The following EIPR1 variants were observed in gnomAD, a reference collection of about 807,000 sequenced individuals.
The protein encoded by EIPR1 is EARP complex and GARP complex interacting protein 1.
EIPR1 carries 25 observed loss-of-function variants against 48.1 expected under a neutral mutation model. The observed-to-expected ratio is 0.52, with a 90% CI of 0.38 to 0.73. EIPR1 has a LOEUF of 0.73. EIPR1 is among the 30% of genes least tolerant of loss of function. EIPR1 has a pLI of 0.00. For missense variants in EIPR1, 415 were observed against 506.2 expected, an observed-to-expected ratio of 0.82 and a Z score of 1.73; for synonymous variants, 204 against 201.9, an observed-to-expected ratio of 1.01 and a Z score of -0.09.
intron 4 of EIPR1, among the ~76,000 whole-genome samples, chr2:3,242,571 C>CG (rs1420537657): frequency 6.6e-6 from 1 of 151,470 alleles, no homozygotes; most frequent in East Asian, 1.9e-4. Context: ...CACCACACAC[C>CG]AGGCAGCAGC....
intron 3 of EIPR1, among the ~76,000 whole-genome samples, chr2:3,289,221 T>C (rs1190937264): frequency 1.3e-5 from 2 of 152,204 alleles, no homozygotes; most frequent in African/African-American, 4.8e-5. Flanking sequence ...TCGCTCTTCC[T>C]GTCTCTTTCT....
rs748935145 is a variant in EIPR1 at position 3,312,417 on chromosome 2, C to G, written c.259+25600G>C. Reference sequence around the variant, plus strand: ...GTGCCTGCTGTGGGGATGAGACTCACGTCTGAGGGGCAAAGTTCATTTTTC... The same window carrying G: ...GTGCCTGCTGTGGGGATGAGACTCAGGTCTGAGGGGCAAAGTTCATTTTTC... On this transcript the variant is annotated intron_variant, in intron 3 of 8. Coordinates refer to ENST00000382125, the MANE Select transcript of EIPR1 (RefSeq NM_003310.5). The surrounding 1 kb of genome is among the most constrained non-coding windows in gnomAD (Gnocchi z 5.5). 1.3e-5 allele frequency among the ~76,000 whole-genome samples: 2 copies of G among 152,154 alleles called. No individual in the cohort carries two copies. The highest frequency in any genetic ancestry group is 2.1e-4 in the South Asian group (1 of 4,826).
intron 8 of EIPR1, among the ~76,000 whole-genome samples, chr2:3,190,134 G>A (rs1664554266): frequency 6.6e-6 from 1 of 152,086 alleles, no homozygotes; most frequent in South Asian, 2.1e-4. Flanking sequence ...TCCCTTGACT[G>A]TGAGTTACCC....
rs145653213 is a variant in EIPR1 at position 3,263,521 on chromosome 2, C to G, written c.260-6066G>C. Among the ~76,000 whole-genome samples, 17 of 152,356 alleles carry G rather than the reference C, an allele frequency of 1.1e-4. No individual in the cohort carries two copies. In the East Asian group the frequency reaches 3.1e-3, roughly 28 times the overall value. On this transcript the variant is annotated intron_variant, in intron 3 of 8. Transcript: ENST00000382125. ...TACAAATAGCACATAATCAGAGAAG[C>G]CACAGAACTGCACTATACAACAAGC...
intron 3 of EIPR1, among the ~76,000 whole-genome samples, chr2:3,259,147 C>T (rs1413662984): frequency 1.3e-5 from 2 of 152,090 alleles, no homozygotes; most frequent in Admixed American, 6.6e-5. Context: ...AAATACATGT[C>T]TAATCTTACA....
At chr2:3,363,030 C>T (rs556060562) in intron 1 of EIPR1, among the ~76,000 whole-genome samples, 49 of 152,278 alleles carry the variant, frequency 3.2e-4, no homozygotes, top group Admixed American at 1.8e-3. Context: ...GCATCCTGGG[C>T]GGCCTGCATC....
intron 3 of EIPR1, among the ~76,000 whole-genome samples, chr2:3,316,846 T>C (rs1269031233): frequency 6.6e-6 from 1 of 152,212 alleles, no homozygotes; most frequent in Non-Finnish European, 1.5e-5. Context: ...TGCCATAGTC[T>C]AGACACAGTC....
chr2:3,208,619 T>G (rs1415779274), intron 5 of EIPR1: 1 of 1,550,624 alleles, frequency 6.4e-7, no homozygotes, highest in East Asian at 2.4e-5. Flanking sequence ...GTTGAATGAA[T>G]TTGGCCATGG....
chr2:3,341,112 A>AC (rs1670231020), intron 2 of EIPR1, among the ~76,000 whole-genome samples: 1 of 148,732 alleles, frequency 6.7e-6, no homozygotes, highest in Non-Finnish European at 1.5e-5. Context: ...AAAAAAAAAA[A>AC]AAAAAAAACA....
chr2:3,300,501 C>T (rs951666863), intron 3 of EIPR1, among the ~76,000 whole-genome samples: 2 of 152,200 alleles, frequency 1.3e-5, no homozygotes, highest in East Asian at 3.8e-4. Flanking sequence ...CCAGCAGTCT[C>T]GCCTCAATGC....
intron 3 of EIPR1, among the ~76,000 whole-genome samples, chr2:3,326,228 C>T (rs915545334): frequency 1.3e-5 from 2 of 152,240 alleles, no homozygotes; most frequent in Non-Finnish European, 2.9e-5. Context: ...AACCTGTTCA[C>T]AGCAGCCTCA....
At chr2:3,225,587 T>C (rs188394605) in intron 4 of EIPR1, among the ~76,000 whole-genome samples, 1 of 152,198 alleles carries the variant, frequency 6.6e-6, no homozygotes, top group Non-Finnish European at 1.5e-5. Context: ...GTGAAATGAC[T>C]GCCACAATTA....
chr2:3,332,286 A>AAT (rs1669923441), intron 3 of EIPR1, among the ~76,000 whole-genome samples: 1 of 152,248 alleles, frequency 6.6e-6, no homozygotes, highest in South Asian at 2.1e-4. Flanking sequence ...GGAAAGGTCA[A>AAT]GGCCTGCTGG....
chr2:3,252,202 C>T (rs746193450), intron 4 of EIPR1, among the ~76,000 whole-genome samples: 17 of 152,228 alleles, frequency 1.1e-4, no homozygotes, highest in Non-Finnish European at 1.8e-4. Context: ...ACAAAGTCAG[C>T]AGCTTCTGCA....
At chr2:3,210,446 T>C (rs2123750) in intron 5 of EIPR1, among the ~76,000 whole-genome samples, 2,141 of 152,154 alleles carry the variant, frequency 0.014, 60 homozygotes, top group African/African-American at 0.042. Flanking sequence ...CAGAGGACAA[T>C]GGACAGACAT....
chr2:3,369,005 T>A (rs1350340222), intron 1 of EIPR1, among the ~76,000 whole-genome samples: 1 of 152,242 alleles, frequency 6.6e-6, no homozygotes, highest in Non-Finnish European at 1.5e-5. Flanking sequence ...GTGTTCTCCA[T>A]GGGATTTGAA....
chr2:3,325,108 C>T (rs1279423017), intron 3 of EIPR1, among the ~76,000 whole-genome samples: 1 of 152,200 alleles, frequency 6.6e-6, no homozygotes, highest in Non-Finnish European at 1.5e-5. Context: ...TCTCTGGTTC[C>T]CAGGGAGACA....
intron 3 of EIPR1, among the ~76,000 whole-genome samples, chr2:3,273,866 C>A (rs1035704118): frequency 7.9e-5 from 12 of 152,106 alleles, no homozygotes; most frequent in African/African-American, 2.9e-4. Flanking sequence ...GCCAAGAGAA[C>A]AGAGCATTCC....
intron 6 of EIPR1, chr2:3,194,490 C>G (rs1365552014): frequency 9.6e-6 from 2 of 208,934 alleles, no homozygotes; most frequent in African/African-American, 4.5e-5. Flanking sequence ...AGAGGGGCTG[C>G]AACAGCCATG....
Sources: allele counts gnomAD v4.1 joint callset (sites outside exome capture counted in the v4.1 genomes callset), GRCh38; gene constraint gnomAD v4.1.1; non-coding constraint Gnocchi (gnomAD v3.1); transcripts MANE v1.5; gene names NCBI Gene and HGNC (gene_info 2026-07-23, HGNC 2026-07-21).